The following N4BP2 variants were observed in gnomAD, a reference collection of about 807,000 sequenced individuals.
The protein encoded by N4BP2 is NEDD4 binding protein 2, also known as NEDD4-binding protein 2.
Under a neutral mutation model 152.8 loss-of-function variants are expected in N4BP2, and 91 were observed. The observed-to-expected ratio is 0.60, with a 90% CI of 0.50 to 0.71. The LOEUF is 0.71. N4BP2 is among the 30% of genes least tolerant of loss of function. N4BP2 has a pLI of 0.00. For synonymous variants in N4BP2, 646 were observed against 705.3 expected, an observed-to-expected ratio of 0.92 and a Z score of 1.33; for missense variants, 1,923 against 2,059.1, an observed-to-expected ratio of 0.93 and a Z score of 1.28.
At chr4:40,131,320 G>T (rs1718885583) in intron 12 of N4BP2, among the ~76,000 whole-genome samples, 3 of 152,100 alleles carry the variant, frequency 2.0e-5, no homozygotes, top group Admixed American at 2.0e-4. Context: ...TAAATTTGTG[G>T]CCTACTTGTA....
At chr4:40,165,234 T>C in the N4BP2 span, among the ~76,000 whole-genome samples, 1 of 152,142 alleles carries the variant, frequency 6.6e-6, no homozygotes, top group African/African-American at 2.4e-5. Context: ...TCAAATCTTT[T>C]TTTGGAAATA....
intron 4 of N4BP2, among the ~76,000 whole-genome samples, 188 bp downstream of exon 4, chr4:40,103,406 G>A (rs949583473): frequency 2.6e-5 from 4 of 152,128 alleles, no homozygotes; most frequent in Admixed American, 6.5e-5. Context: ...TATTGAAACC[G>A]TTCATCTTGG....
intron 1 of N4BP2, among the ~76,000 whole-genome samples, chr4:40,060,240 C>T (rs1733551780): frequency 6.6e-6 from 1 of 151,948 alleles, no homozygotes; most frequent in African/African-American, 2.4e-5. Flanking sequence ...TATCTGAGCT[C>T]TCATACTTCA....
chr4:40,111,085 T>G (rs1716835071), intron 5 of N4BP2, among the ~76,000 whole-genome samples: 1 of 152,180 alleles, frequency 6.6e-6, no homozygotes, highest in Admixed American at 6.5e-5. Flanking sequence ...CCATTTGTTT[T>G]TGTTGTTTGT....
At chr4:40,080,938 T>A (rs1033362631) in intron 2 of N4BP2, among the ~76,000 whole-genome samples, 1 of 151,916 alleles carries the variant, frequency 6.6e-6, no homozygotes. Context: ...AGTGCTGGGA[T>A]TACAGGCATG....
the N4BP2 span, among the ~76,000 whole-genome samples, chr4:40,185,384 G>GA: frequency 6.6e-6 from 1 of 151,890 alleles, no homozygotes; most frequent in Non-Finnish European, 1.5e-5. Flanking sequence ...GAATTTGAAA[G>GA]AAAAAAATTT....
At chr4:40,149,536 C>T (rs1720941349) in intron 16 of N4BP2, among the ~76,000 whole-genome samples, 1 of 152,060 alleles carries the variant, frequency 6.6e-6, no homozygotes, top group Non-Finnish European at 1.5e-5. Flanking sequence ...CTAAAAACCG[C>T]TTAATTGCAT....
chr4:40,168,679 A>C, the N4BP2 span, among the ~76,000 whole-genome samples: 1 of 152,080 alleles, frequency 6.6e-6, no homozygotes, highest in Non-Finnish European at 1.5e-5. Context: ...TAATAAATAT[A>C]TATAGAATTA....
rs761840471 is a variant in N4BP2, at chr4:40,102,678, A to C, written c.833A>C (p.Gln278Pro). The change falls in exon 4 of 18, where the codon CAA becomes CCA. Residue 278 changes from glutamine to proline, a missense_variant. Gln to Pro is a moderately conservative substitution (Grantham distance 76, BLOSUM62 -1). Coordinates refer to ENST00000261435, the MANE Select transcript of N4BP2 (RefSeq NM_018177.6). ...ELLESECVEA[Q>P]FSEAPVDLDA... ...TTAGAATCTGAGTGCGTTGAGGCTC[A>C]ATTCTCTGAAGCTCCTGTAGATTTG... 1.9e-6 allele frequency: 3 copies of C among 1,614,196 alleles called. No homozygotes were observed. The highest frequency in any genetic ancestry group is 1.7e-6 in the Non-Finnish European group (2 of 1,180,040).
intron 1 of N4BP2, among the ~76,000 whole-genome samples, chr4:40,072,021 C>T (rs897656223): frequency 2.6e-5 from 4 of 152,034 alleles, no homozygotes; most frequent in East Asian, 1.9e-4. Flanking sequence ...GATTCTCATG[C>T]GTCAGCCTCC....
chr4:40,142,757 G>A lies in N4BP2; in HGVS notation c.4870G>A (p.Ala1624Thr). The A allele has an allele frequency of 6.2e-7, 1 of 1,614,056 alleles. No individual in the cohort carries two copies. The highest frequency in any genetic ancestry group is 8.5e-7 in the Non-Finnish European group (1 of 1,179,942). The change falls in exon 15 of 18, where the codon GCA becomes ACA. Residue 1624 changes from alanine (A) to threonine (T), a missense_variant. Transcript: ENST00000261435. ...FEYPDYDDYR[A>T]EAFLHQQKRM... is the part of the protein sequence containing the mutation. ...GTACCCAGACTATGATGACTACAGAGCAGAGGCTTTCCTTCACCAACAGAA... is the reference window on the plus strand; with the variant it reads ...GTACCCAGACTATGATGACTACAGAACAGAGGCTTTCCTTCACCAACAGAA...
At chr4:40,112,540 C>T (rs1484029352) in intron 6 of N4BP2, among the ~76,000 whole-genome samples, 1 of 151,962 alleles carries the variant, frequency 6.6e-6, no homozygotes, top group African/African-American at 2.4e-5. Flanking sequence ...CTTTGTTTTT[C>T]CCTAAATTTC....
At chr4:40,124,089 A>G (rs1718176955) in intron 10 of N4BP2, 71 bp from the exon 11 acceptor site, 1 of 1,158,510 alleles carries the variant, frequency 8.6e-7, no homozygotes, top group Non-Finnish European at 1.3e-6. Flanking sequence ...GAGAAAAATA[A>G]TATAACCTTG....
chr4:40,123,807 T>G (rs1287271497), intron 10 of N4BP2, among the ~76,000 whole-genome samples: 2 of 152,088 alleles, frequency 1.3e-5, no homozygotes, highest in Admixed American at 1.3e-4. Context: ...AAGAAAATAA[T>G]TATAAACAGT....
intron 16 of N4BP2, among the ~76,000 whole-genome samples, chr4:40,152,454 A>G (rs1486702007): frequency 6.6e-6 from 1 of 152,244 alleles, no homozygotes; most frequent in Non-Finnish European, 1.5e-5. Context: ...GTTAGGTATC[A>G]TTAATGGTAT....
chr4:40,144,865 G>A (rs1720365920), intron 16 of N4BP2, 65 bp downstream of exon 16: 1 of 1,323,220 alleles, frequency 7.6e-7, no homozygotes, highest in Non-Finnish European at 1.0e-6. Flanking sequence ...GGTATAGCTT[G>A]CAAATTCAGG....
At chr4:40,119,492 G>A (rs941205342) in intron 8 of N4BP2, among the ~76,000 whole-genome samples, 5 of 152,058 alleles carry the variant, frequency 3.3e-5, no homozygotes, top group Admixed American at 2.6e-4. Flanking sequence ...GGCAAATAGC[G>A]TTGGTTGGCC....
In N4BP2 at chr4:40,121,784, G is replaced by T. The variant is rs1274184394; in HGVS notation, c.3673G>T (p.Ala1225Ser). The T allele has an allele frequency of 4.2e-5, 67 of 1,613,964 alleles. No homozygotes were observed. Among genetic ancestry groups the T allele is most frequent in the Non-Finnish European group, 5.5e-5 (65 of 1,180,028 alleles). ...GATGACAAGTATATTTCCCAGTGCT[G>T]CTGTGGGTCTAAAGAATAATAATGA... ...ESMTSIFPSA[A>S]VGLKNNNDIL... The change falls in exon 9 of 18, where the codon GCT (alanine) becomes TCT (serine). Residue 1225 changes from alanine (A) to serine (S), a missense_variant. By Grantham distance (99) the Ala-to-Ser change is moderately conservative. Coordinates refer to ENST00000261435, the MANE Select transcript of N4BP2 (RefSeq NM_018177.6).
chr4:40,136,918 T>C (rs1351441412), intron 13 of N4BP2, 26 bp from the exon 14 acceptor site: 3 of 1,556,358 alleles, frequency 1.9e-6, no homozygotes, highest in Admixed American at 3.4e-5. Flanking sequence ...TTATTGACAT[T>C]ATGTTTCTAC....
Sources: allele counts gnomAD v4.1 joint callset (sites outside exome capture counted in the v4.1 genomes callset), GRCh38; gene constraint gnomAD v4.1.1; transcripts MANE v1.5; gene names NCBI Gene and HGNC (gene_info 2026-07-23, HGNC 2026-07-21).